Variants in PPFIA2 observed in about 807,000 individuals in gnomAD.
PPFIA2 encodes the protein PPFI scaffold protein A2.
Under a neutral mutation model 175.5 loss-of-function variants are expected in PPFIA2, and 46 were observed. The observed-to-expected ratio is 0.26, with a 90% confidence interval of 0.21 to 0.34. The LOEUF is 0.34. Among genes scored for constraint, PPFIA2 ranks in the 10% least tolerant of loss-of-function variants. The pLI, the probability that PPFIA2 is intolerant of heterozygous loss-of-function variation, is 1.00. For synonymous variants in PPFIA2, 568 were observed against 511.4 expected, an observed-to-expected ratio of 1.11 and a Z score of -1.49; for missense variants, 1,179 against 1,506.1, an observed-to-expected ratio of 0.78 and a Z score of 3.60.
chr12:81,499,128 C>T (rs368686564), intron 4 of PPFIA2, among the ~76,000 whole-genome samples: 12 of 152,280 alleles, frequency 7.9e-5, no homozygotes, highest in East Asian at 7.7e-4. Context: ...GGCTTGCCGC[C>T]CCTGCAGTTA....
intron 4 of PPFIA2, among the ~76,000 whole-genome samples, chr12:81,556,853 G>A (rs983958572): frequency 2.4e-4 from 36 of 151,756 alleles, no homozygotes; most frequent in African/African-American, 8.7e-4. Context: ...ATGTACATGA[G>A]GACTGCACAT....
chr12:81,661,200 A>G (rs1216141157), intron 4 of PPFIA2, among the ~76,000 whole-genome samples: 3 of 152,214 alleles, frequency 2.0e-5, no homozygotes, highest in Admixed American at 2.0e-4. Context: ...CGTTAACAAT[A>G]TTGACCTTAA....
At chr12:81,677,566 T>A (rs949505937) in intron 3 of PPFIA2, among the ~76,000 whole-genome samples, 2 of 151,962 alleles carry the variant, frequency 1.3e-5, no homozygotes, top group African/African-American at 4.8e-5. Context: ...CATTTTTTTT[T>A]ATAGCTCTTA....
At chr12:81,709,045 A>G (rs925442363) in intron 3 of PPFIA2, among the ~76,000 whole-genome samples, 1 of 152,134 alleles carries the variant, frequency 6.6e-6, no homozygotes, top group African/African-American at 2.4e-5. Flanking sequence ...TTTATTTTTT[A>G]AATTAATAAC....
At chr12:81,621,802 A>G (rs2153481389) in intron 4 of PPFIA2, among the ~76,000 whole-genome samples, 1 of 152,326 alleles carries the variant, frequency 6.6e-6, no homozygotes, top group Middle Eastern at 3.4e-3. Context: ...AATTGTCAAC[A>G]TGTTGAGTTT....
At chr12:81,290,860 CACA>C (rs1400842010) in intron 24 of PPFIA2, among the ~76,000 whole-genome samples, 7 of 151,744 alleles carry the variant, frequency 4.6e-5, no homozygotes, top group African/African-American at 9.7e-5. Flanking sequence ...ATATTTTACA[CACA>C]ACAACAAATT....
intron 22 of PPFIA2, chr12:81,312,120 GAA>G (rs1448648595): frequency 9.2e-6 from 14 of 1,528,378 alleles, no homozygotes; most frequent in Non-Finnish European, 1.2e-5. Flanking sequence ...AGATGGCGCT[GAA>G]AATAAACATG....
intron 13 of PPFIA2, 142 bp downstream of exon 13, chr12:81,368,583 G>A: frequency 1.2e-6 from 1 of 848,148 alleles, no homozygotes; most frequent in Non-Finnish European, 1.7e-6. Context: ...TAAAAAATAT[G>A]CATTCCTTTC....
At chr12:81,595,186 A>C (rs574093306) in intron 4 of PPFIA2, among the ~76,000 whole-genome samples, 2 of 151,636 alleles carry the variant, frequency 1.3e-5, no homozygotes, top group Non-Finnish European at 2.9e-5. Context: ...ATGTAGAATC[A>C]TGTTGAGACA....
At chr12:81,489,799 T>C (rs949072795) in intron 4 of PPFIA2, among the ~76,000 whole-genome samples, 1 of 151,856 alleles carries the variant, frequency 6.6e-6, no homozygotes, top group Non-Finnish European at 1.5e-5. Context: ...TTCAAAACAT[T>C]TATGAGTGGA....
Position 81,348,095 on chromosome 12 carries a change from C to T in PPFIA2, c.1995-325G>A, listed in dbSNP as rs915713491. Among the ~76,000 whole-genome samples the T allele has an allele frequency of 2.2e-4, 33 of 152,176 alleles. No individual in the cohort carries two copies. The Middle Eastern group carries it at 0.014, about 63-fold the overall frequency. ...ACCTAATTAATTTCTACCATTAATC[C>T]TAATCTTACATTTGACCTCAGGAAC... On this transcript the variant is annotated intron_variant, in intron 17 of 32. Transcript: ENST00000549396.
intron 24 of PPFIA2, chr12:81,292,624 C>T (rs1337951598): frequency 2.0e-5 from 3 of 152,172 alleles, no homozygotes; most frequent in African/African-American, 7.2e-5. Context: ...ACATATAAAA[C>T]ACATAATACA....
At chr12:81,518,171 T>C (rs984884913) in intron 4 of PPFIA2, among the ~76,000 whole-genome samples, 1 of 152,172 alleles carries the variant, frequency 6.6e-6, no homozygotes, top group African/African-American at 2.4e-5. Context: ...ACCTGGATCA[T>C]GGCCAATTTC....
At chr12:81,443,846 T>TTC (rs1491518518) in intron 6 of PPFIA2, among the ~76,000 whole-genome samples, 2 of 81,642 alleles carry the variant, frequency 2.4e-5, no homozygotes, top group Non-Finnish European at 5.1e-5. Flanking sequence ...CCAACCTTTC[T>TTC]TTTTTTTTTT....
At chr12:81,509,787 T>A (rs1202531003) in intron 4 of PPFIA2, among the ~76,000 whole-genome samples, 1 of 152,156 alleles carries the variant, frequency 6.6e-6, no homozygotes. Context: ...TTGGACGTCA[T>A]CTTTAAAGAA....
At chr12:81,462,275 A>ATG (rs1337435193) in intron 4 of PPFIA2, among the ~76,000 whole-genome samples, 1 of 126,154 alleles carries the variant, frequency 7.9e-6, no homozygotes, top group Non-Finnish European at 1.6e-5. Context: ...ATATATATAT[A>ATG]TGTTAGAAAA....
Position 81,462,741 on chromosome 12 carries a change from C to G in PPFIA2, c.304-4875G>C, listed in dbSNP as rs1023969204. ...ATAGGCTAGCTCTAGTGCTGAAGCT[C>G]ACTATTATGAAAGCATAATTTTGTG... On this transcript the variant is annotated intron_variant, in intron 4 of 32. Transcript: ENST00000549396. Among the ~76,000 whole-genome samples the G allele has an allele frequency of 6.6e-5, 10 of 151,232 alleles. 1 individual carries two copies. The Admixed American group carries it at 6.6e-4, about 10-fold the overall frequency.
At chr12:81,259,734 G>C in intron 32 of PPFIA2, 74 bp from the exon 33 acceptor site, 1 of 1,351,784 alleles carries the variant, frequency 7.4e-7, no homozygotes, top group Non-Finnish European at 1.0e-6. Flanking sequence ...CTCCTCTGTG[G>C]TGTACCTCCA....
At chr12:81,721,370 C>G (rs1304946861) in intron 3 of PPFIA2, among the ~76,000 whole-genome samples, 2 of 151,252 alleles carry the variant, frequency 1.3e-5, no homozygotes, top group African/African-American at 4.8e-5. Flanking sequence ...TGGGAAGGGA[C>G]TATGGTTACT....
Sources: gnomAD v4.1 joint callset for allele counts (sites outside exome capture counted in the v4.1 genomes callset) on GRCh38, gnomAD v4.1.1 for gene constraint, MANE v1.5 for transcripts, NCBI Gene and HGNC (gene_info 2026-07-23, HGNC 2026-07-21) for gene names.